The following SCAMP4 variants were observed in gnomAD, a reference collection of about 807,000 sequenced individuals.
The protein encoded by SCAMP4 is secretory carrier membrane protein 4, also known as secretory carrier-associated membrane protein 4.
Under a neutral mutation model 32.1 loss-of-function variants are expected in SCAMP4, and 19 were observed. The observed-to-expected ratio is 0.59, with a 90% CI of 0.41 to 0.87. The LOEUF (loss-of-function observed/expected upper bound fraction) is 0.87, where lower values mean the gene tolerates loss of function less well. Ranked by LOEUF, SCAMP4 falls within the 40% of genes least tolerant of loss-of-function variation. SCAMP4 has a pLI of 0.00. For synonymous variants in SCAMP4, 152 were observed against 132.7 expected (o/e 1.15, Z -1.00); for missense variants, 302 against 309.0 (o/e 0.98, Z 0.17).
chr19:1,905,765 C>T (rs2013078834), intron 1 of SCAMP4: 1 of 152,346 alleles, frequency 6.6e-6, no homozygotes, highest in South Asian at 2.1e-4. Context: ...CTTCCGGTGG[C>T]CCTTCCTCAG....
intron 5 of SCAMP4, chr19:1,920,458 G>A (rs981842793): frequency 9.3e-6 from 6 of 645,264 alleles, no homozygotes; most frequent in Admixed American, 6.3e-5. Flanking sequence ...TGCGCCTGGC[G>A]CCAGGCCCTC....
intron 6 of SCAMP4, among the ~76,000 whole-genome samples, chr19:1,923,636 T>TTC (rs386388357): frequency 1.3e-5 from 2 of 149,146 alleles, no homozygotes; most frequent in Non-Finnish European, 3.0e-5. Flanking sequence ...TTTTTTTTTT[T>TTC]TAGACAGAGT....
At chr19:1,915,149 G>A (rs1409293336) in intron 2 of SCAMP4, 123 bp downstream of exon 2, 2 of 1,145,510 alleles carry the variant, frequency 1.7e-6, no homozygotes, top group East Asian at 2.3e-5. Context: ...CCTGGCCTCT[G>A]ACTCCTCGGG....
intron 2 of SCAMP4, among the ~76,000 whole-genome samples, chr19:1,915,885 G>T (rs2013715779): frequency 6.7e-6 from 1 of 149,646 alleles, no homozygotes; most frequent in South Asian, 2.1e-4. Flanking sequence ...GGCGGAGCTT[G>T]CAGTGAGCGA....
chr19:1,917,917 AC>A, intron 3 of SCAMP4, 95 bp downstream of exon 3: 1 of 1,528,502 alleles, frequency 6.5e-7, no homozygotes, highest in South Asian at 1.2e-5. Context: ...TCGGGGGCCC[AC>A]CGTCTACTGA....
At position 1,918,135 on chromosome 19, in the gene SCAMP4, G is replaced by T; in HGVS notation, c.145G>T (p.Ala49Ser). 1.2e-6 allele frequency: 2 copies of T among 1,610,860 alleles called. No homozygotes were observed. The highest frequency in any genetic ancestry group is 2.2e-5 in the East Asian group (1 of 44,838). ...TCCCTCTCTCTTCGCAGTTTACTGC[G>T]CCACCCTCGGCGTCAACCTCATTGC... is the stretch of plus-strand genomic sequence containing the variant. ...RIYRLWMFYC[A>S]TLGVNLIACL... is the part of the protein sequence containing the mutation. Residue 49 changes from alanine (A) to serine (S), a missense_variant, in exon 4 of 7, where the codon GCC becomes TCC. Coordinates refer to ENST00000316097, the MANE Select transcript of SCAMP4 (RefSeq NM_079834.4).
rs1568777276 is a variant in SCAMP4, at chr19:1,923,924, C to CGCCA, written c.514-184_514-183insGCCA. 1.6e-3 allele frequency among the ~76,000 whole-genome samples: 152 copies of CGCCA among 95,368 alleles called. 8 individuals are homozygous for CGCCA. Among genetic ancestry groups the CGCCA allele is most frequent in the Non-Finnish European group, 2.6e-3 (90 of 34,144 alleles). 62.6% of individuals were successfully genotyped at this position (95,368 alleles called of 152,430 possible). ...ACAGGCGTGAGCCACCGTGCCCGGC[C>CGCCA]TATTTTTTATATTGTAGTAGAGACA... On this transcript the variant is annotated intron_variant, in intron 6 of 6. Transcript: ENST00000316097.
At chr19:1,917,560 C>G in intron 2 of SCAMP4, 134 bp from the exon 3 acceptor site, 1 of 908,756 alleles carries the variant, frequency 1.1e-6, no homozygotes, top group Non-Finnish European at 1.7e-6. Context: ...CCTGTCTCAG[C>G]GTCCTGCCCT....
chr19:1,907,176 G>C (rs548438334), intron 1 of SCAMP4: 2 of 151,372 alleles, frequency 1.3e-5, no homozygotes, highest in Admixed American at 6.6e-5. Context: ...GACAGAGTGA[G>C]ACTGTCCCAA....
intron 5 of SCAMP4, chr19:1,921,854 T>C (rs1293596245): frequency 1.6e-5 from 16 of 983,708 alleles, no homozygotes; most frequent in Non-Finnish European, 1.8e-5. Context: ...CCAAAGACCA[T>C]GCAGCCTGTG....
intron 6 of SCAMP4, 89 bp downstream of exon 6, chr19:1,923,276 G>T: frequency 8.6e-7 from 1 of 1,157,028 alleles, no homozygotes; most frequent in Non-Finnish European, 1.2e-6. Flanking sequence ...ACGTCGAGGA[G>T]CCGGGCCCTC....
intron 6 of SCAMP4, 31 bp downstream of exon 6, chr19:1,923,218 T>C: frequency 1.3e-6 from 2 of 1,513,114 alleles, no homozygotes; most frequent in Non-Finnish European, 8.9e-7. Context: ...CGTCCAGCCC[T>C]TACCCCTTCT....
rs370477060 is a variant in SCAMP4 at position 1,923,774 on chromosome 19, G to A, written c.514-334G>A. 5.2e-3 allele frequency among the ~76,000 whole-genome samples: 763 copies of A among 147,546 alleles called. 37 individuals carry two copies. The highest frequency in any genetic ancestry group is 9.9e-3 in the African/African-American group (394 of 39,696). On this transcript the variant is annotated intron_variant, in intron 6 of 6. Coordinates refer to ENST00000316097, the MANE Select transcript of SCAMP4 (RefSeq NM_079834.4). Reference sequence around the variant, plus strand: ...GCTGGGACTACAGGCGCCCGCTACCGCACCTGGCTAATTATTTTGTTTTTG... The same window carrying A: ...GCTGGGACTACAGGCGCCCGCTACCACACCTGGCTAATTATTTTGTTTTTG...
At chr19:1,905,688 G>C (rs1325091376) in intron 1 of SCAMP4, 1 of 154,388 alleles carries the variant, frequency 6.5e-6, no homozygotes, top group Admixed American at 6.6e-5. Context: ...CGCTCCCCCG[G>C]GCCTAGCGCC....
chr19:1,923,253 C>T, intron 6 of SCAMP4, 66 bp downstream of exon 6: 1 of 1,366,358 alleles, frequency 7.3e-7, no homozygotes, highest in Non-Finnish European at 1.0e-6. Context: ...ACCCAACTGT[C>T]CCAGGTGGGT....
In SCAMP4 at chr19:1,913,277, C is replaced by T. The variant is rs571040580; in HGVS notation, c.-41-1702C>T. 7.5e-6 allele frequency: 10 copies of T among 1,329,626 alleles called. No homozygotes were observed. In the African/African-American group the frequency reaches 1.0e-4, roughly 14 times the overall value. 82.4% of individuals were successfully genotyped at this position (1,329,626 alleles called of 1,614,324 possible). A position where few individuals can be genotyped will look rare whatever the true frequency, so the allele number is the denominator to read the frequency against. ...TTTCAGGGACACATACCGCCTCCAG[C>T]GGGGAGCACGGGTGCTGCCTTCCGT... On this transcript the variant is annotated intron_variant, in intron 1 of 6. Coordinates refer to ENST00000316097, the MANE Select transcript of SCAMP4 (RefSeq NM_079834.4).
rs1337220137 is a variant in SCAMP4 at position 1,908,130 on chromosome 19, T to C, written c.-42+2691T>C. On this transcript the variant is annotated intron_variant, in intron 1 of 6. Coordinates refer to ENST00000316097, the MANE Select transcript of SCAMP4 (RefSeq NM_079834.4). This position sits in a 1 kb window ranked among gnomAD's most constrained non-coding sequence, Gnocchi z 4.2. ...GTGGCCTAGCAGGGCCGTGCGGGCC[T>C]CTCGGTCCTGGTCGCGCGTGGTGTG... 2 of 243,010 alleles carry C rather than the reference T, an allele frequency of 8.2e-6. No individual in the cohort carries two copies. Among genetic ancestry groups the C allele is most frequent in the South Asian group, 8.6e-5 (2 of 23,372 alleles). 15.1% of individuals were successfully genotyped at this position (243,010 alleles called of 1,614,324 possible).
rs377737224 is a variant in SCAMP4 at position 1,922,081 on chromosome 19, C to T, written c.396-989C>T. On this transcript the variant is annotated intron_variant, in intron 5 of 6. Transcript: ENST00000316097. ...GTACGTCGTGCCTGCCTTTAAGTTCCCTGAATTTTAAACCCTGTGGTTTCA... is the reference window on the plus strand; with the variant it reads ...GTACGTCGTGCCTGCCTTTAAGTTCTCTGAATTTTAAACCCTGTGGTTTCA... 16 of 985,290 alleles carry T rather than the reference C, an allele frequency of 1.6e-5. No individual in the cohort carries two copies. The South Asian group carries it at 6.6e-4, about 41-fold the overall frequency. 61.0% of individuals were successfully genotyped at this position (985,290 alleles called of 1,614,324 possible).
rs1599251313 is a variant in SCAMP4 at position 1,918,052 on chromosome 19, C to T, written c.137-75C>T. On this transcript the variant is annotated intron_variant, in intron 3 of 6. Coordinates refer to ENST00000316097, the MANE Select transcript of SCAMP4 (RefSeq NM_079834.4). ...GCTGGGGAGGCGGACAGCGGGTGCC[C>T]CATTGCTGGGCCCATGCTTTCCCAC... The T allele has an allele frequency of 2.0e-6, 3 of 1,536,778 alleles. No individual in the cohort carries two copies. In the East Asian group the frequency reaches 6.8e-5, roughly 35 times the overall value.
Sources: gnomAD v4.1 joint callset for allele counts (sites outside exome capture counted in the v4.1 genomes callset) on GRCh38, gnomAD v4.1.1 for gene constraint, Gnocchi (gnomAD v3.1) non-coding constraint, MANE v1.5 for transcripts, NCBI Gene and HGNC (gene_info 2026-07-23, HGNC 2026-07-21) for gene names.